SIN3A: variants seen among roughly 807,000 people sequenced by gnomAD.
The protein encoded by SIN3A is SIN3 transcription regulator family member A.
A neutral mutation model predicts 146.1 loss-of-function variants in SIN3A; 14 were observed. The observed-to-expected ratio is 0.10, with a 90% CI of 0.06 to 0.15. The LOEUF (loss-of-function observed/expected upper bound fraction) is 0.15, where lower values mean the gene tolerates loss of function less well. SIN3A is among the 10% of genes least tolerant of loss of function. The pLI is 1.00. For synonymous variants in SIN3A, 572 were observed against 572.0 expected (o/e 1.00, Z 0.00); for missense variants, 1,028 against 1,576.0 (o/e 0.65, Z 5.89).
At chr15:75,391,145 T>C (rs367750213) in intron 15 of SIN3A, among the ~76,000 whole-genome samples, 1 of 152,234 alleles carries the variant, frequency 6.6e-6, no homozygotes, top group Non-Finnish European at 1.5e-5. Flanking sequence ...GTATAGGCTA[T>C]AGACTCCAAA....
At chr15:75,414,098 G>A (rs2073691895) in intron 4 of SIN3A, 107 bp downstream of exon 4, 1 of 475,108 alleles carries the variant, frequency 2.1e-6, no homozygotes, top group African/African-American at 2.0e-5. Context: ...TGAAAATTCA[G>A]CTGCAAAAAG....
At chr15:75,384,713 T>C (rs2073047678) in intron 16 of SIN3A, among the ~76,000 whole-genome samples, 1 of 152,222 alleles carries the variant, frequency 6.6e-6, no homozygotes, top group South Asian at 2.1e-4. Flanking sequence ...AGGATAATCG[T>C]ACTATTTAAA....
In SIN3A at chr15:75,370,522, T is replaced by C. The variant is rs961239930; in HGVS notation, c.*1457A>G. The C allele has an allele frequency of 1.3e-5, 2 of 152,146 alleles. No individual in the cohort carries two copies. The highest frequency in any genetic ancestry group is 2.9e-5 in the Non-Finnish European group (2 of 68,030). The allele number at this position is 152,146 out of a possible 1,614,324, so 9.4% of individuals were successfully genotyped here. A position where few individuals can be genotyped will look rare whatever the true frequency, so the allele number is the denominator to read the frequency against. On this transcript the variant is annotated 3_prime_UTR_variant, in exon 21 of 21. Transcript: ENST00000394947. Reference sequence around the variant, plus strand: ...TGTTTAAATGTCTGCTAGTTTAAATTTATGTAATTAAAAAAATAGGTATCC... The same window carrying C: ...TGTTTAAATGTCTGCTAGTTTAAATCTATGTAATTAAAAAAATAGGTATCC...
In SIN3A at chr15:75,399,985, G is replaced by A. The variant is rs1021454845; in HGVS notation, c.1854+55C>T. ...TAACCCTCAGAGACAGGTACTGATA[G>A]TCTCACTGAGCATCTCCCATTTCCC... On this transcript the variant is annotated intron_variant, in intron 12 of 20. Coordinates refer to ENST00000394947, the MANE Select transcript of SIN3A (RefSeq NM_001145358.2). 1.5e-5 allele frequency: 14 copies of A among 946,510 alleles called. No homozygotes were observed. In the Middle Eastern group the frequency reaches 8.4e-4, roughly 57 times the overall value. 58.6% of individuals were successfully genotyped at this position (946,510 alleles called of 1,614,324 possible).
chr15:75,414,508 C>T (rs1220212860), intron 3 of SIN3A, among the ~76,000 whole-genome samples, 197 bp from the exon 4 acceptor site: 3 of 152,090 alleles, frequency 2.0e-5, no homozygotes, highest in Admixed American at 2.0e-4. Context: ...CTCATAAAAT[C>T]TGTAGCCTTG....
At position 75,418,994 on chromosome 15, in the gene SIN3A, T is replaced by C. The variant is rs575798477; in HGVS notation, c.366+3653A>G. On this transcript the variant is annotated intron_variant, in intron 3 of 20. Transcript: ENST00000394947. ...GGATGGTCTCGATCTCCTGACCTCG[T>C]GATCTGCCCGCCTCGGCCTCTTAAA... Among the ~76,000 whole-genome samples the C allele has an allele frequency of 5.9e-5, 9 of 152,060 alleles. No homozygotes were observed. The South Asian group carries it at 1.9e-3, about 32-fold the overall frequency.
At chr15:75,446,140 A>T (rs981385763) in intron 1 of SIN3A, 6 of 152,102 alleles carry the variant, frequency 3.9e-5, no homozygotes, top group African/African-American at 1.4e-4. Flanking sequence ...ACAAAGTATA[A>T]TATTTAGAAT....
chr15:75,452,963 C>T (rs2074433225), upstream of SIN3A: 1 of 152,246 alleles, frequency 6.6e-6, no homozygotes, highest in Admixed American at 6.5e-5. Flanking sequence ...AGACAAAGTG[C>T]TTTCAATTCC....
chr15:75,411,906 T>C (rs181638594), intron 5 of SIN3A, among the ~76,000 whole-genome samples, 163 bp from the exon 6 acceptor site: 13 of 152,224 alleles, frequency 8.5e-5, no homozygotes, highest in Admixed American at 3.3e-4. Context: ...GCAGTGGGAG[T>C]TGTAGGCGGT....
intron 16 of SIN3A, chr15:75,388,614 G>T (rs557419686): frequency 6.5e-6 from 1 of 153,322 alleles, no homozygotes; most frequent in Admixed American, 6.5e-5. Flanking sequence ...CCCAAGAAGG[G>T]AGACAGTTCT....
chr15:75,400,615 G>T, intron 11 of SIN3A, 115 bp downstream of exon 11: 1 of 800,888 alleles, frequency 1.2e-6, no homozygotes, highest in Non-Finnish European at 2.0e-6. Flanking sequence ...TTTTAAAAAG[G>T]ATTAAAAGGG....
intron 1 of SIN3A, among the ~76,000 whole-genome samples, chr15:75,445,608 T>C (rs2074293145): frequency 6.6e-6 from 1 of 151,090 alleles, no homozygotes; most frequent in South Asian, 2.1e-4. Context: ...CTGGGTGTAG[T>C]GGCGCATGCC....
At chr15:75,405,023 G>A (rs2073483765) in intron 9 of SIN3A, among the ~76,000 whole-genome samples, 1 of 151,534 alleles carries the variant, frequency 6.6e-6, no homozygotes, top group South Asian at 2.1e-4. Flanking sequence ...GTCTGTACCT[G>A]CAAGTCCCAG....
At chr15:75,430,156 C>G in intron 2 of SIN3A, 31 bp downstream of exon 2, 1 of 1,554,610 alleles carries the variant, frequency 6.4e-7, no homozygotes, top group Non-Finnish European at 8.9e-7. Context: ...TCTCTTCCCT[C>G]ATTCTAGTCC....
chr15:75,435,746 T>C (rs2074096762), intron 1 of SIN3A, among the ~76,000 whole-genome samples: 1 of 150,104 alleles, frequency 6.7e-6, no homozygotes, highest in Admixed American at 6.6e-5. Flanking sequence ...ATAGAATACA[T>C]ACAGCATGAT....
intron 1 of SIN3A, among the ~76,000 whole-genome samples, chr15:75,449,914 G>A (rs902040821): frequency 6.6e-6 from 1 of 152,054 alleles, no homozygotes; most frequent in Admixed American, 6.6e-5. Context: ...CCAGTAGCTG[G>A]GATTACAGGC....
At chr15:75,422,229 TA>T (rs938766894) in intron 3 of SIN3A, 4,654 of 240,790 alleles carry the variant, frequency 0.019, no homozygotes, top group East Asian at 0.028. Context: ...AACTAAAAAC[TA>T]AAAAAAAAAA....
intron 4 of SIN3A, 116 bp from the exon 5 acceptor site, chr15:75,413,161 G>T: frequency 3.1e-6 from 3 of 957,446 alleles, no homozygotes; most frequent in Non-Finnish European, 4.5e-6. Flanking sequence ...TGCCCAGGCT[G>T]GACTGCAATG....
At chr15:75,391,179 C>G (rs567302059) in intron 15 of SIN3A, among the ~76,000 whole-genome samples, 1 of 152,196 alleles carries the variant, frequency 6.6e-6, no homozygotes, top group Non-Finnish European at 1.5e-5. Context: ...ATGAAAACTG[C>G]TTTTATGCCA....
Sources: allele counts gnomAD v4.1 joint callset (sites outside exome capture counted in the v4.1 genomes callset), GRCh38; gene constraint gnomAD v4.1.1; transcripts MANE v1.5; gene names NCBI Gene and HGNC (gene_info 2026-07-23, HGNC 2026-07-21).